TMEM165: variants seen among roughly 807,000 people sequenced by gnomAD.
The protein encoded by TMEM165 is putative divalent cation/proton antiporter TMEM165.
A neutral mutation model predicts 30.0 loss-of-function variants in TMEM165; 19 were observed. The observed-to-expected ratio is 0.63, with a 90% CI of 0.44 to 0.93. TMEM165 has a LOEUF of 0.93. TMEM165 is among the 40% of genes least tolerant of loss of function. The pLI, the probability that TMEM165 is intolerant of heterozygous loss-of-function variation, is 0.00. For missense variants in TMEM165, 340 were observed against 417.0 expected (o/e 0.82, Z 1.61); for synonymous variants, 168 against 162.9 (o/e 1.03, Z -0.24).
intron 4 of TMEM165, among the ~76,000 whole-genome samples, chr4:55,421,708 G>GCA (rs772694831): frequency 1.3e-5 from 2 of 152,134 alleles, no homozygotes; most frequent in Non-Finnish European, 2.9e-5. Context: ...TCCTGTCTCT[G>GCA]CACACACACT....
chr4:55,452,866 T>C, exon 4 of TMEM165: 1 of 485,590 alleles, frequency 2.1e-6, no homozygotes, highest in South Asian at 2.8e-5. Context: ...TCTCATCCAA[T>C]TTTCTTTTTA....
At chr4:55,451,397 C>G (rs1409995313) in intron 3 of TMEM165, among the ~76,000 whole-genome samples, 1 of 152,140 alleles carries the variant, frequency 6.6e-6, no homozygotes, top group East Asian at 1.9e-4. Context: ...GCTATTACCC[C>G]CCTGTTGTTG....
chr4:55,444,271 T>C (rs896046285), intron 3 of TMEM165, among the ~76,000 whole-genome samples: 6 of 152,230 alleles, frequency 3.9e-5, no homozygotes, highest in African/African-American at 1.4e-4. Flanking sequence ...ATTTGAATCA[T>C]ACATACTGGT....
chr4:55,403,092 TAA>T, intron 1 of TMEM165: 1 of 370,658 alleles, frequency 2.7e-6, no homozygotes. Flanking sequence ...ACCCGGCCCC[TAA>T]AAAAAGCTTT....
intron 3 of TMEM165, chr4:55,448,889 A>C (rs781393693): frequency 1.9e-6 from 3 of 1,555,964 alleles, no homozygotes; most frequent in Admixed American, 3.3e-5. Flanking sequence ...ATAAAAAATA[A>C]CACTGAAGTG....
chr4:55,419,890 ACT>A (rs1327257269), intron 4 of TMEM165, among the ~76,000 whole-genome samples: 1 of 150,994 alleles, frequency 6.6e-6, no homozygotes, highest in Admixed American at 6.6e-5. Context: ...AAAAAATGGA[ACT>A]CTGATTTTCA....
At chr4:55,421,702 GTC>G (rs1446882957) in intron 4 of TMEM165, among the ~76,000 whole-genome samples, 5 of 152,146 alleles carry the variant, frequency 3.3e-5, no homozygotes, top group African/African-American at 1.2e-4. Context: ...CCAGTTTCCT[GTC>G]TCTGCACACA....
At chr4:55,398,382 A>G (rs755478402) in intron 1 of TMEM165, among the ~76,000 whole-genome samples, 1 of 152,232 alleles carries the variant, frequency 6.6e-6, no homozygotes, top group Non-Finnish European at 1.5e-5. Context: ...GGAGGTTTGT[A>G]AGGAATAGTG....
At chr4:55,397,744 C>T (rs1173070463) in intron 1 of TMEM165, among the ~76,000 whole-genome samples, 1 of 151,278 alleles carries the variant, frequency 6.6e-6, no homozygotes, top group Non-Finnish European at 1.5e-5. Flanking sequence ...CCCTTCCTTT[C>T]CTTTTTCCTT....
intron 3 of TMEM165, chr4:55,433,663 A>G (rs1327118048): frequency 6.6e-6 from 1 of 152,126 alleles, no homozygotes; most frequent in East Asian, 1.9e-4. Context: ...TTTATATTCT[A>G]ATAATGTATT....
intron 1 of TMEM165, among the ~76,000 whole-genome samples, chr4:55,408,267 T>C (rs1386131513): frequency 6.6e-6 from 1 of 152,146 alleles, no homozygotes; most frequent in Non-Finnish European, 1.5e-5. Flanking sequence ...TTTTCTTGTG[T>C]TTTGTGTGTA....
chr4:55,443,513 G>C (rs972891294), intron 3 of TMEM165, among the ~76,000 whole-genome samples: 1 of 150,024 alleles, frequency 6.7e-6, no homozygotes, highest in Non-Finnish European at 1.5e-5. Flanking sequence ...GAAAATATTT[G>C]ATACTAACAT....
At chr4:55,409,077 G>A (rs1426207693) in intron 1 of TMEM165, among the ~76,000 whole-genome samples, 2 of 152,092 alleles carry the variant, frequency 1.3e-5, no homozygotes, top group Admixed American at 6.5e-5. Context: ...GTCAACGTAG[G>A]TGGAACCAAA....
chr4:55,425,463 GT>G lies in TMEM165; in HGVS notation c.*13del. 1 of 1,598,268 alleles carries G rather than the reference GT, an allele frequency of 6.3e-7. No individual in the cohort carries two copies. The highest frequency in any genetic ancestry group is 1.1e-5 in the South Asian group (1 of 90,478). On this transcript the variant is annotated 3_prime_UTR_variant, in exon 6 of 6. Transcript: ENST00000381334. Reference sequence around the variant, plus strand: ...GATTCTGGTTTTTAACAAGCTGTTTGTTCATCTATATTTAGTTTAAAATAGG... The same window carrying G: ...GATTCTGGTTTTTAACAAGCTGTTTGTCATCTATATTTAGTTTAAAATAGG...
intron 2 of TMEM165, among the ~76,000 whole-genome samples, chr4:55,413,601 TA>T (rs755302873): frequency 6.6e-6 from 1 of 152,240 alleles, no homozygotes; most frequent in Non-Finnish European, 1.5e-5. Context: ...AGGCGTGAGC[TA>T]CCACGCCTGG....
chr4:55,424,675 T>A, intron 5 of TMEM165, 32 bp downstream of exon 5: 1 of 1,337,832 alleles, frequency 7.5e-7, no homozygotes, highest in South Asian at 1.2e-5. Context: ...TCAGATAACA[T>A]TTTAGAATCA....
At chr4:55,438,555 G>GA (rs757356339) in intron 3 of TMEM165, 2 of 1,612,448 alleles carry the variant, frequency 1.2e-6, no homozygotes, top group East Asian at 2.2e-5. Context: ...AAGAAAGAAG[G>GA]AAAAAAATTG....
chr4:55,397,129 TGTC>T (rs1301172575), intron 1 of TMEM165: 1 of 152,356 alleles, frequency 6.6e-6, no homozygotes, highest in Non-Finnish European at 1.5e-5. Flanking sequence ...TCGTGGGCTT[TGTC>T]GTCATTTCCA....
chr4:55,410,601 C>G (rs977991740), intron 1 of TMEM165, among the ~76,000 whole-genome samples: 2 of 152,106 alleles, frequency 1.3e-5, no homozygotes, highest in African/African-American at 4.8e-5. Context: ...TAGACTTCAG[C>G]GTAGGACGAT....
Sources: allele counts gnomAD v4.1 joint callset (sites outside exome capture counted in the v4.1 genomes callset), GRCh38; gene constraint gnomAD v4.1.1; transcripts MANE v1.5; gene names NCBI Gene and HGNC (gene_info 2026-07-23, HGNC 2026-07-21).